Variants in THSD7B observed in about 807,000 individuals in gnomAD.
The protein encoded by THSD7B is thrombospondin type-1 domain-containing protein 7B.
THSD7B carries 138 observed loss-of-function variants against 213.6 expected under a neutral mutation model. The observed-to-expected ratio is 0.65, with a 90% CI of 0.56 to 0.74. The LOEUF (loss-of-function observed/expected upper bound fraction) is 0.74. THSD7B is among the 30% of genes least tolerant of loss of function. The pLI, the probability that THSD7B is intolerant of heterozygous loss-of-function variation, is 0.00. For missense variants in THSD7B, 1,931 were observed against 1,991.5 expected (o/e 0.97, Z 0.58); for synonymous variants, 742 against 687.0 (o/e 1.08, Z -1.25).
intron 2 of THSD7B, among the ~76,000 whole-genome samples, chr2:136,898,646 C>CTT (rs34410826): frequency 0.45 from 53,804 of 120,842 alleles, 12,560 homozygotes; most frequent in East Asian, 0.85. Context: ...GGAACTGAGA[C>CTT]TTTTTTTTTT....
chr2:137,114,787 G>C (rs1688415025), intron 4 of THSD7B, among the ~76,000 whole-genome samples: 2 of 152,162 alleles, frequency 1.3e-5, no homozygotes, highest in African/African-American at 4.8e-5. Flanking sequence ...GACAAGTTCA[G>C]CTATCAAGAA....
intron 3 of THSD7B, among the ~76,000 whole-genome samples, chr2:137,094,656 T>C (rs1013120286): frequency 6.6e-6 from 1 of 152,180 alleles, no homozygotes; most frequent in Non-Finnish European, 1.5e-5. Flanking sequence ...TGTATCTTGC[T>C]AGAGTGAAGC....
At chr2:137,411,076 T>G (rs375433027) in intron 13 of THSD7B, among the ~76,000 whole-genome samples, 3 of 152,262 alleles carry the variant, frequency 2.0e-5, no homozygotes, top group African/African-American at 4.8e-5. Flanking sequence ...TTTCTCTGAT[T>G]AAATTATCCA....
chr2:137,577,231 A>T (rs1681483413), intron 17 of THSD7B, among the ~76,000 whole-genome samples: 1 of 152,130 alleles, frequency 6.6e-6, no homozygotes, highest in Admixed American at 6.6e-5. Context: ...CCCTGTGTGC[A>T]GTGAGATGTA....
intron 20 of THSD7B, among the ~76,000 whole-genome samples, chr2:137,638,753 G>A (rs576851330): frequency 1.3e-5 from 2 of 152,334 alleles, no homozygotes; most frequent in Admixed American, 6.5e-5. Flanking sequence ...TGAGGAACTT[G>A]TTGGGAACTG....
chr2:137,550,863 A>G (rs1680833352), intron 15 of THSD7B, among the ~76,000 whole-genome samples: 1 of 152,112 alleles, frequency 6.6e-6, no homozygotes, highest in African/African-American at 2.4e-5. Flanking sequence ...TTAGAAAATG[A>G]AAGGTAGAGT....
Position 137,438,173 on chromosome 2 carries a change from T to C in THSD7B, c.2960-12672T>C, listed in dbSNP as rs189634928. Among the ~76,000 whole-genome samples the C allele has an allele frequency of 6.0e-3, 908 of 152,246 alleles. 34 individuals are homozygous for C. The highest frequency in any genetic ancestry group is 0.057 in the Admixed American group (865 of 15,282). Reference sequence around the variant, plus strand: ...CTTTAGAGATAAGAAAATTGAAGATTGGAGAGGTTCAATGACAGGCACAAG... The same window carrying C: ...CTTTAGAGATAAGAAAATTGAAGATCGGAGAGGTTCAATGACAGGCACAAG... On this transcript the variant is annotated intron_variant, in intron 14 of 27. Transcript: ENST00000409968.
intron 3 of THSD7B, among the ~76,000 whole-genome samples, chr2:137,074,720 GT>G (rs1452710480): frequency 6.6e-6 from 1 of 152,158 alleles, no homozygotes; most frequent in Non-Finnish European, 1.5e-5. Flanking sequence ...GCAGTGGCTG[GT>G]TCCGGTTGTT....
chr2:137,033,467 G>A (rs2104854592), intron 2 of THSD7B, among the ~76,000 whole-genome samples: 1 of 152,300 alleles, frequency 6.6e-6, no homozygotes, highest in Admixed American at 6.5e-5. Context: ...GGTAAGTAAA[G>A]AGATTGTCAG....
intron 15 of THSD7B, among the ~76,000 whole-genome samples, chr2:137,527,872 GACAA>G (rs1680308975): frequency 6.6e-6 from 1 of 152,090 alleles, no homozygotes; most frequent in African/African-American, 2.4e-5. Context: ...ACATGGAGAT[GACAA>G]ACAGAAAGCA....
intron 15 of THSD7B, among the ~76,000 whole-genome samples, chr2:137,523,349 A>G (rs1234881532): frequency 3.3e-5 from 5 of 152,198 alleles, no homozygotes; most frequent in African/African-American, 1.2e-4. Flanking sequence ...AGTTTACCAC[A>G]GTCTGCAATC....
At chr2:136,935,326 T>A (rs138539595) in intron 2 of THSD7B, among the ~76,000 whole-genome samples, 1 of 152,250 alleles carries the variant, frequency 6.6e-6, no homozygotes, top group Non-Finnish European at 1.5e-5. Flanking sequence ...TGAGCCTCAG[T>A]TTTTTAATCT....
intron 9 of THSD7B, among the ~76,000 whole-genome samples, chr2:137,236,453 G>A (rs1681765759): frequency 6.6e-6 from 1 of 152,152 alleles, no homozygotes; most frequent in African/African-American, 2.4e-5. Flanking sequence ...CAGAGTGAGA[G>A]CTTGTTGGGA....
At chr2:137,168,966 A>G (rs1377071760) in intron 6 of THSD7B, among the ~76,000 whole-genome samples, 1 of 152,000 alleles carries the variant, frequency 6.6e-6, no homozygotes, top group Admixed American at 6.6e-5. Flanking sequence ...TTATTTGGCT[A>G]GTTAATGATA....
At chr2:137,377,063 T>C (rs1428079695) in intron 12 of THSD7B, among the ~76,000 whole-genome samples, 1 of 152,186 alleles carries the variant, frequency 6.6e-6, no homozygotes, top group Non-Finnish European at 1.5e-5. Context: ...TGCTTACATA[T>C]TCTGTATACA....
chr2:137,514,832 AACATAATACCTTTG>A (rs1180121175), intron 15 of THSD7B, among the ~76,000 whole-genome samples: 17 of 152,162 alleles, frequency 1.1e-4, no homozygotes, highest in African/African-American at 4.1e-4. Context: ...GGTGACTCTA[AACATAATACCTTTG>A]ACTATATGTG....
At chr2:136,809,670 C>A (rs1376611774) in intron 1 of THSD7B, among the ~76,000 whole-genome samples, 1 of 152,178 alleles carries the variant, frequency 6.6e-6, no homozygotes, top group South Asian at 2.1e-4. Context: ...AAAAGTCTTA[C>A]GAGGATTCTT....
At chr2:137,042,086 T>G (rs1219108563) in intron 2 of THSD7B, among the ~76,000 whole-genome samples, 2 of 152,220 alleles carry the variant, frequency 1.3e-5, no homozygotes, top group Non-Finnish European at 2.9e-5. Flanking sequence ...CTGATACCCC[T>G]GAAATATTCT....
intron 7 of THSD7B, among the ~76,000 whole-genome samples, chr2:137,213,644 T>A (rs1421919508): frequency 1.3e-5 from 2 of 151,860 alleles, no homozygotes; most frequent in Non-Finnish European, 2.9e-5. Context: ...AGAGAATTGA[T>A]CCCCTTATCC....
Sources: allele counts gnomAD v4.1 joint callset (sites outside exome capture counted in the v4.1 genomes callset), GRCh38; gene constraint gnomAD v4.1.1; transcripts MANE v1.5; gene names NCBI Gene and HGNC (gene_info 2026-07-23, HGNC 2026-07-21).